Variants in DLEU7 observed in about 807,000 individuals in gnomAD.
DLEU7 encodes the protein leukemia-associated protein 7.
In DLEU7, 17 loss-of-function variants were observed where a neutral mutation model predicts 16.0. The observed-to-expected ratio is 1.06, with a 90% confidence interval of 0.73 to 1.59. The LOEUF (loss-of-function observed/expected upper bound fraction) is 1.59, where lower values mean the gene tolerates loss of function less well. Ranked by LOEUF, DLEU7 falls within the 40% of genes most tolerant of loss-of-function variation. DLEU7 has a pLI of 0.00. For missense variants in DLEU7, 308 were observed against 314.9 expected, an observed-to-expected ratio of 0.98 and a Z score of 0.17; for synonymous variants, 113 against 139.8, an observed-to-expected ratio of 0.81 and a Z score of 1.35.
chr13:50,773,625 C>G (rs1301413665), intron 1 of DLEU7, among the ~76,000 whole-genome samples: 1 of 146,846 alleles, frequency 6.8e-6, no homozygotes, highest in African/African-American at 2.7e-5. Context: ...AATATTGCTG[C>G]CTGATCCTTC....
intron 1 of DLEU7, among the ~76,000 whole-genome samples, chr13:50,745,915 A>C (rs1874378916): frequency 6.6e-6 from 1 of 152,190 alleles, no homozygotes; most frequent in African/African-American, 2.4e-5. Flanking sequence ...TAGCAAGGCA[A>C]ATTTTTCAGA....
intron 1 of DLEU7, among the ~76,000 whole-genome samples, chr13:50,760,346 T>C (rs543579150): frequency 6.6e-6 from 1 of 152,300 alleles, no homozygotes; most frequent in East Asian, 1.9e-4. Flanking sequence ...CAGTATTCTT[T>C]TTTTTGGTGG....
In DLEU7 at chr13:50,726,315, C is replaced by T. The variant is rs1217676695; in HGVS notation, c.460-13075G>A. Among the ~76,000 whole-genome samples, 3 of 152,064 alleles carry T rather than the reference C, an allele frequency of 2.0e-5. No homozygotes were observed. The highest frequency in any genetic ancestry group is 2.1e-4 in the South Asian group (1 of 4,820). The stretch of plus-strand genomic sequence containing the variant: ...CCTTTTTCTGTTTTTCTAGCTCCCC[C>T]ACCCACCCCTCCTCAGCTGACAGTT... On this transcript the variant is annotated intron_variant, in intron 1 of 1. Transcript: ENST00000400393. This position sits in a 1 kb window ranked among gnomAD's most constrained non-coding sequence, Gnocchi z 4.0.
intron 1 of DLEU7, chr13:50,812,969 A>G (rs955267356): frequency 6.6e-6 from 1 of 152,126 alleles, no homozygotes; most frequent in African/African-American, 2.4e-5. Context: ...AAGATAAAAC[A>G]CCAAATAAAT....
chr13:50,727,433 G>A (rs758340227), intron 1 of DLEU7, among the ~76,000 whole-genome samples: 1 of 152,160 alleles, frequency 6.6e-6, no homozygotes, highest in Non-Finnish European at 1.5e-5. Flanking sequence ...GAATGTGAAG[G>A]TAATCCAGGA....
chr13:50,779,101 C>T (rs1002649647), intron 1 of DLEU7, among the ~76,000 whole-genome samples: 10 of 152,140 alleles, frequency 6.6e-5, no homozygotes, highest in South Asian at 2.1e-4. Flanking sequence ...ACCTCAAAGG[C>T]TTCTAGTCCA....
At chr13:50,767,043 A>T (rs1231339693) in intron 1 of DLEU7, among the ~76,000 whole-genome samples, 1 of 152,180 alleles carries the variant, frequency 6.6e-6, no homozygotes, top group Non-Finnish European at 1.5e-5. Context: ...TTCTATTCAC[A>T]GTCCATTTCT....
intron 1 of DLEU7, among the ~76,000 whole-genome samples, chr13:50,830,118 A>G (rs949862993): frequency 2.0e-5 from 3 of 152,222 alleles, no homozygotes; most frequent in African/African-American, 7.2e-5. Context: ...TACATGGTTG[A>G]GCAATCTAAA....
chr13:50,840,848 T>C (rs918285185), intron 1 of DLEU7, among the ~76,000 whole-genome samples: 1 of 152,160 alleles, frequency 6.6e-6, no homozygotes, highest in Non-Finnish European at 1.5e-5. Context: ...TGCAATTTTT[T>C]AGGTAGAAAG....
chr13:50,715,716 G>T (rs144415021), intron 1 of DLEU7, among the ~76,000 whole-genome samples: 64 of 152,350 alleles, frequency 4.2e-4, no homozygotes, highest in African/African-American at 1.4e-3. Flanking sequence ...GCTCCCTAGT[G>T]GAGGTGTTTC....
intron 1 of DLEU7, among the ~76,000 whole-genome samples, chr13:50,743,009 G>A (rs980397261): frequency 1.3e-5 from 2 of 152,110 alleles, no homozygotes; most frequent in Non-Finnish European, 2.9e-5. Context: ...TTCCTAAAAG[G>A]TGGCAAAAAG....
Position 50,728,874 on chromosome 13 carries a change from C to T in DLEU7, c.460-15634G>A, listed in dbSNP as rs148622280. Among the ~76,000 whole-genome samples the T allele has an allele frequency of 2.4e-3, 361 of 152,230 alleles. 1 individual carries two copies. Among genetic ancestry groups the T allele is most frequent in the African/African-American group, 8.4e-3 (348 of 41,538 alleles). ...GTTCATATGCACATCATACTCACTACTGAAGGGTATTCCTTTACCACTGTC... is the reference window on the plus strand; with the variant it reads ...GTTCATATGCACATCATACTCACTATTGAAGGGTATTCCTTTACCACTGTC... On this transcript the variant is annotated intron_variant, in intron 1 of 1. Coordinates refer to the DLEU7 transcript ENST00000400393.
At chr13:50,820,536 G>T (rs1388932682), downstream of DLEU7, among the ~76,000 whole-genome samples, 1 of 152,080 alleles carries the variant, frequency 6.6e-6, no homozygotes, top group Non-Finnish European at 1.5e-5. Context: ...ACAGATTCAG[G>T]GTAGGTAGAT....
intron 1 of DLEU7, among the ~76,000 whole-genome samples, chr13:50,774,743 T>G (rs1042165856): frequency 6.6e-6 from 1 of 152,076 alleles, no homozygotes; most frequent in African/African-American, 2.4e-5. Flanking sequence ...TTTGAGACAA[T>G]TGCACAGCTC....
intron 1 of DLEU7, among the ~76,000 whole-genome samples, chr13:50,725,830 T>C (rs1873749558): frequency 6.6e-6 from 1 of 152,074 alleles, no homozygotes; most frequent in South Asian, 2.1e-4. Flanking sequence ...TTTTTTTTTA[T>C]TTCACTAAGT....
chr13:50,773,994 AG>A (rs1409358727), intron 1 of DLEU7, among the ~76,000 whole-genome samples: 1 of 152,202 alleles, frequency 6.6e-6, no homozygotes, highest in Non-Finnish European at 1.5e-5. Flanking sequence ...TCCCCCAGTC[AG>A]GCTGCTGCCC....
chr13:50,819,482 C>G (rs1186059049), downstream of DLEU7, among the ~76,000 whole-genome samples: 1 of 152,132 alleles, frequency 6.6e-6, no homozygotes, highest in Admixed American at 6.5e-5. Context: ...CAGAGAAATA[C>G]TATGACCCCT....
At chr13:50,757,390 C>T (rs1366520462) in intron 1 of DLEU7, among the ~76,000 whole-genome samples, 2 of 152,194 alleles carry the variant, frequency 1.3e-5, no homozygotes. Flanking sequence ...CTTCTCTGGT[C>T]ATAATTCTTC....
At chr13:50,713,677 C>T (rs927640486) in intron 1 of DLEU7, among the ~76,000 whole-genome samples, 16 of 152,144 alleles carry the variant, frequency 1.1e-4, no homozygotes, top group Admixed American at 1.0e-3. Context: ...GCATCATGGA[C>T]GTATTTGTTC....
Sources: gnomAD v4.1 joint callset for allele counts (sites outside exome capture counted in the v4.1 genomes callset) on GRCh38, gnomAD v4.1.1 for gene constraint, Gnocchi (gnomAD v3.1) non-coding constraint, MANE v1.5 for transcripts, NCBI Gene and HGNC (gene_info 2026-07-23, HGNC 2026-07-21) for gene names.